The following CGNL1 variants were observed in gnomAD, a reference collection of about 807,000 sequenced individuals.
The protein encoded by CGNL1 is cingulin like 1.
CGNL1 carries 132 observed loss-of-function variants against 141.2 expected under a neutral mutation model. The ratio of observed to expected loss-of-function variants is 0.93; its 90% CI spans 0.81 to 1.08. CGNL1 has a LOEUF of 1.08. Among genes scored for constraint, CGNL1 ranks in the 50% least tolerant of loss-of-function variants. The probability of loss-of-function intolerance (pLI) is 0.00; values close to 1 mark genes in which losing one functional copy is unlikely to be tolerated. For missense variants in CGNL1, 1,870 were observed against 1,588.6 expected (o/e 1.18, Z -3.01); for synonymous variants, 690 against 622.1 (o/e 1.11, Z -1.63).
intron 1 of CGNL1, among the ~76,000 whole-genome samples, chr15:57,380,839 G>A (rs1228964405): frequency 1.3e-5 from 2 of 152,238 alleles, no homozygotes; most frequent in Admixed American, 1.3e-4. Flanking sequence ...AGTAAGCTTA[G>A]TAGCGGCTAC....
intron 8 of CGNL1, among the ~76,000 whole-genome samples, chr15:57,474,245 CTT>C (rs1286633856): frequency 1.3e-5 from 2 of 152,054 alleles, no homozygotes; most frequent in African/African-American, 4.8e-5. Flanking sequence ...CCCTCAGAAA[CTT>C]TGTGAGGTAA....
At chr15:57,494,641 C>T (rs374804965) in intron 8 of CGNL1, among the ~76,000 whole-genome samples, 11 of 152,172 alleles carry the variant, frequency 7.2e-5, no homozygotes, top group African/African-American at 2.4e-4. Flanking sequence ...TAAATGGTCC[C>T]GATTCTTCAT....
At chr15:57,491,122 G>C (rs1259486890) in intron 8 of CGNL1, among the ~76,000 whole-genome samples, 4 of 152,074 alleles carry the variant, frequency 2.6e-5, no homozygotes, top group African/African-American at 9.7e-5. Context: ...AATAAAGTAT[G>C]GACTTTGGTT....
intron 8 of CGNL1, among the ~76,000 whole-genome samples, chr15:57,471,757 T>C (rs1305969830): frequency 6.6e-6 from 1 of 152,228 alleles, no homozygotes; most frequent in Non-Finnish European, 1.5e-5. Context: ...TCAGTGTCAA[T>C]GTCTAACTGT....
At chr15:57,486,804 G>A (rs959209789) in intron 8 of CGNL1, among the ~76,000 whole-genome samples, 1 of 152,216 alleles carries the variant, frequency 6.6e-6, no homozygotes, top group African/African-American at 2.4e-5. Context: ...GAAAGGCTAG[G>A]CTGAAGCTAC....
intron 8 of CGNL1, among the ~76,000 whole-genome samples, chr15:57,502,402 C>G (rs1277375251): frequency 6.6e-6 from 1 of 152,134 alleles, no homozygotes; most frequent in African/African-American, 2.4e-5. Context: ...GGCTGCTTAT[C>G]TTCCACAGAT....
chr15:57,468,434 G>A (rs576276894), intron 8 of CGNL1, among the ~76,000 whole-genome samples: 3 of 151,676 alleles, frequency 2.0e-5, no homozygotes, highest in Admixed American at 6.6e-5. Context: ...GTTTTACCAC[G>A]TTGCTCAGGC....
intron 11 of CGNL1, 39 bp from the exon 12 acceptor site, chr15:57,524,542 C>A: frequency 6.4e-7 from 1 of 1,563,062 alleles, no homozygotes; most frequent in Non-Finnish European, 8.7e-7. Flanking sequence ...GGTCTCAGAG[C>A]ATCCCAGGGT....
At chr15:57,386,399 GT>G (rs2062483683) in intron 1 of CGNL1, among the ~76,000 whole-genome samples, 1 of 152,266 alleles carries the variant, frequency 6.6e-6, no homozygotes, top group African/African-American at 2.4e-5. Flanking sequence ...GATTCCTAAG[GT>G]ATGCCTTTTG....
chr15:57,434,981 A>G (rs550923686), intron 1 of CGNL1, among the ~76,000 whole-genome samples: 25 of 152,132 alleles, frequency 1.6e-4, no homozygotes, highest in Admixed American at 1.1e-3. Flanking sequence ...TGAGACCCTA[A>G]TATAGGGTAG....
chr15:57,404,753 G>A (rs1722858721), intron 1 of CGNL1, among the ~76,000 whole-genome samples: 1 of 152,122 alleles, frequency 6.6e-6, no homozygotes, highest in Non-Finnish European at 1.5e-5. Flanking sequence ...CTCAAGAGGG[G>A]CGCCTGCTTT....
At chr15:57,440,271 T>C (rs1314596041) in intron 2 of CGNL1, 106 bp from the exon 3 acceptor site, 6 of 765,772 alleles carry the variant, frequency 7.8e-6, no homozygotes, top group Non-Finnish European at 1.3e-5. Flanking sequence ...AGCTGGTAAA[T>C]GTTGTAACTG....
At chr15:57,448,850 C>T (rs530703759) in intron 4 of CGNL1, among the ~76,000 whole-genome samples, 2 of 151,502 alleles carry the variant, frequency 1.3e-5, no homozygotes, top group Admixed American at 6.6e-5. Flanking sequence ...TATGCTAGAC[C>T]GAGTGGGTGA....
chr15:57,415,734 A>G (rs1359810748), intron 1 of CGNL1, among the ~76,000 whole-genome samples: 1 of 152,218 alleles, frequency 6.6e-6, no homozygotes, highest in Admixed American at 6.5e-5. Context: ...GCACGGGCCC[A>G]ACGTAGAGCA....
chr15:57,468,587 TG>T, intron 8 of CGNL1, among the ~76,000 whole-genome samples: 1 of 147,964 alleles, frequency 6.8e-6, no homozygotes, highest in Non-Finnish European at 1.5e-5. Context: ...TGTGTGTGTG[TG>T]TGTTAAAGAA....
intron 4 of CGNL1, among the ~76,000 whole-genome samples, chr15:57,451,247 C>T (rs2063318335): frequency 6.6e-6 from 1 of 152,084 alleles, no homozygotes; most frequent in African/African-American, 2.4e-5. Flanking sequence ...GTTGATATAC[C>T]TGATGAAACA....
chr15:57,510,926 A>C (rs1407516094), intron 8 of CGNL1, among the ~76,000 whole-genome samples: 3 of 152,198 alleles, frequency 2.0e-5, no homozygotes, highest in Non-Finnish European at 4.4e-5. Context: ...CGGCTCCGCT[A>C]TCTTTCACGG....
chr15:57,452,133 C>A lies in CGNL1; in HGVS notation c.1906-8C>A. On this transcript the variant is annotated splice_region_variant and splice_polypyrimidine_tract_variant and intron_variant, in intron 5 of 18. Transcript: ENST00000281282. Reference sequence around the variant, plus strand: ...GAGGCTCTTTAAAATCACACTGATTCCTGTTAGAATCAACAGAACATTAAA... The same window carrying A: ...GAGGCTCTTTAAAATCACACTGATTACTGTTAGAATCAACAGAACATTAAA... The A allele has an allele frequency of 6.2e-7, 1 of 1,609,192 alleles. No homozygotes were observed. The highest frequency in any genetic ancestry group is 8.5e-7 in the Non-Finnish European group (1 of 1,178,148).
At chr15:57,545,529 T>C in intron 16 of CGNL1, 63 bp from the exon 17 acceptor site, 2 of 1,483,084 alleles carry the variant, frequency 1.3e-6, no homozygotes, top group South Asian at 2.4e-5. Flanking sequence ...CTCCACAGCC[T>C]AGGCTGGGCC....
Sources: allele counts gnomAD v4.1 joint callset (sites outside exome capture counted in the v4.1 genomes callset), GRCh38; gene constraint gnomAD v4.1.1; transcripts MANE v1.5; gene names NCBI Gene and HGNC (gene_info 2026-07-23, HGNC 2026-07-21).